PTPRG: variants seen among roughly 807,000 people sequenced by gnomAD.
PTPRG encodes the protein protein tyrosine phosphatase receptor type G.
In PTPRG, 102 loss-of-function variants were observed where a neutral mutation model predicts 165.3. That is an observed-to-expected ratio of 0.62 (90% CI 0.53 to 0.73). The LOEUF is 0.73. PTPRG is among the 30% of genes least tolerant of loss of function. PTPRG has a pLI of 0.00. For synonymous variants in PTPRG, 675 were observed against 669.5 expected (o/e 1.01, Z -0.13); for missense variants, 1,866 against 1,861.4 (o/e 1.00, Z -0.05).
intron 3 of PTPRG, among the ~76,000 whole-genome samples, chr3:62,001,547 A>G (rs2041172355): frequency 6.6e-6 from 1 of 151,960 alleles, no homozygotes; most frequent in Non-Finnish European, 1.5e-5. Flanking sequence ...CATCAGAACT[A>G]AAGGTATGTG....
intron 2 of PTPRG, among the ~76,000 whole-genome samples, chr3:61,857,035 T>C (rs1430110776): frequency 1.3e-5 from 2 of 152,194 alleles, no homozygotes; most frequent in Non-Finnish European, 2.9e-5. Context: ...GTGGGCTATT[T>C]CTTTTTCTGA....
chr3:61,719,337 C>G (rs763598468), intron 1 of PTPRG, among the ~76,000 whole-genome samples: 8 of 152,168 alleles, frequency 5.3e-5, no homozygotes, highest in Non-Finnish European at 1.2e-4. Flanking sequence ...ATTTATCAAG[C>G]CCCTGCGCCT....
chr3:61,925,350 A>G (rs1398114090), intron 2 of PTPRG, among the ~76,000 whole-genome samples: 1 of 152,192 alleles, frequency 6.6e-6, no homozygotes, highest in Non-Finnish European at 1.5e-5. Flanking sequence ...CACTAGCCTC[A>G]TGGAGCCTGG....
intron 1 of PTPRG, among the ~76,000 whole-genome samples, chr3:61,683,249 G>A (rs10446491): frequency 0.37 from 55,904 of 152,106 alleles, 12,562 homozygotes; most frequent in East Asian, 0.59. Flanking sequence ...GATAATTGAC[G>A]GCAGTCCCAA....
intron 1 of PTPRG, among the ~76,000 whole-genome samples, chr3:61,735,562 A>ACAGG (rs1451096094): frequency 1.4e-5 from 2 of 148,098 alleles, no homozygotes; most frequent in Non-Finnish European, 3.0e-5. Flanking sequence ...AATGCCGGGG[A>ACAGG]CAGGCCTACA....
chr3:62,025,289 T>C (rs1429311855), intron 4 of PTPRG, among the ~76,000 whole-genome samples: 1 of 152,204 alleles, frequency 6.6e-6, no homozygotes, highest in African/African-American at 2.4e-5. Flanking sequence ...GTGTTAATGT[T>C]ACTATGGGGA....
intron 1 of PTPRG, among the ~76,000 whole-genome samples, chr3:61,746,869 A>G (rs558469399): frequency 6.6e-6 from 1 of 152,310 alleles, no homozygotes; most frequent in Non-Finnish European, 1.5e-5. Context: ...AAAAAGCACT[A>G]GGGCTGGGTG....
At chr3:62,108,493 C>T (rs1220538063) in intron 5 of PTPRG, among the ~76,000 whole-genome samples, 1 of 152,142 alleles carries the variant, frequency 6.6e-6, no homozygotes, top group Non-Finnish European at 1.5e-5. Flanking sequence ...TGAACAGTGC[C>T]TCAGTAAACA....
intron 2 of PTPRG, among the ~76,000 whole-genome samples, chr3:61,759,944 G>A (rs1052683197): frequency 6.6e-5 from 10 of 151,874 alleles, no homozygotes; most frequent in African/African-American, 1.9e-4. Flanking sequence ...ATTTGATCTC[G>A]TGGATTTCAT....
Position 62,195,245 on chromosome 3 carries a change from C to A in PTPRG, c.1327+75C>A. On this transcript the variant is annotated intron_variant, in intron 10 of 29. Coordinates refer to ENST00000474889, the MANE Select transcript of PTPRG (RefSeq NM_002841.4). This position sits in a 1 kb window ranked among gnomAD's most constrained non-coding sequence, Gnocchi z 4.4. Reference sequence around the variant, plus strand: ...CCAATGCTTTCTGCTTCTTCCTGCTCAGGTGCTGGGGAAAAATACAAACAA... The same window carrying A: ...CCAATGCTTTCTGCTTCTTCCTGCTAAGGTGCTGGGGAAAAATACAAACAA... 1 of 1,320,364 alleles carries A rather than the reference C, an allele frequency of 7.6e-7. No individual in the cohort carries two copies. Among genetic ancestry groups the A allele is most frequent in the South Asian group, 1.2e-5 (1 of 83,958 alleles). 81.8% of individuals were successfully genotyped at this position (1,320,364 alleles called of 1,614,324 possible). A position where few individuals can be genotyped will look rare whatever the true frequency, so the allele number is the denominator to read the frequency against.
intron 1 of PTPRG, among the ~76,000 whole-genome samples, chr3:61,669,414 G>A (rs537866691): frequency 1.3e-3 from 202 of 151,858 alleles, no homozygotes; most frequent in African/African-American, 4.8e-3. Flanking sequence ...TCTGTCCCTA[G>A]TAATGACAGC....
At chr3:62,027,760 C>A (rs1273854566) in intron 4 of PTPRG, among the ~76,000 whole-genome samples, 2 of 152,070 alleles carry the variant, frequency 1.3e-5, no homozygotes, top group African/African-American at 4.8e-5. Context: ...TGCCCCAGAG[C>A]CAGTGTGATT....
intron 1 of PTPRG, among the ~76,000 whole-genome samples, chr3:61,689,953 A>C (rs1167416395): frequency 6.6e-6 from 1 of 152,208 alleles, no homozygotes; most frequent in Non-Finnish European, 1.5e-5. Context: ...GTGGGGTTAG[A>C]AATAGTGTTC....
intron 2 of PTPRG, among the ~76,000 whole-genome samples, chr3:61,904,997 T>C (rs1559680297): frequency 6.6e-6 from 1 of 152,098 alleles, no homozygotes. Context: ...TCCTGCACTT[T>C]GATGAAGGAA....
At chr3:62,268,053 A>G (rs969730702) in intron 19 of PTPRG, among the ~76,000 whole-genome samples, 4 of 152,056 alleles carry the variant, frequency 2.6e-5, no homozygotes, top group Admixed American at 1.3e-4. Context: ...AAATGAATCA[A>G]TGTATCCTCT....
At chr3:62,279,794 C>T (rs1456905598) in intron 26 of PTPRG, among the ~76,000 whole-genome samples, 1 of 152,010 alleles carries the variant, frequency 6.6e-6, no homozygotes, top group Non-Finnish European at 1.5e-5. Context: ...TCTAATGCAA[C>T]AATGTAAGAT....
intron 28 of PTPRG, among the ~76,000 whole-genome samples, chr3:62,286,194 C>G (rs1270440538): frequency 2.0e-5 from 3 of 152,110 alleles, no homozygotes. Flanking sequence ...GGCATATGGA[C>G]TGTTTTCAAT....
intron 1 of PTPRG, among the ~76,000 whole-genome samples, chr3:61,666,246 T>C (rs561065870): frequency 6.6e-6 from 1 of 152,356 alleles, no homozygotes; most frequent in African/African-American, 2.4e-5. Flanking sequence ...TCCTTACTGG[T>C]GTGAAGGTGA....
intron 4 of PTPRG, among the ~76,000 whole-genome samples, chr3:62,046,146 T>C (rs1025747611): frequency 1.3e-5 from 2 of 152,176 alleles, no homozygotes; most frequent in African/African-American, 4.8e-5. Context: ...CTCCCCACTA[T>C]ACATCTTCCA....
Sources: gnomAD v4.1 joint callset for allele counts (sites outside exome capture counted in the v4.1 genomes callset) on GRCh38, gnomAD v4.1.1 for gene constraint, Gnocchi (gnomAD v3.1) non-coding constraint, MANE v1.5 for transcripts, NCBI Gene and HGNC (gene_info 2026-07-23, HGNC 2026-07-21) for gene names.